Variants in UTRN observed in about 807,000 individuals in gnomAD.
UTRN encodes utrophin.
UTRN carries 283 observed loss-of-function variants against 463.9 expected under a neutral mutation model. That is an observed-to-expected ratio of 0.61 (90% CI 0.55 to 0.67). UTRN has a LOEUF of 0.67. Among genes scored for constraint, UTRN ranks in the 30% least tolerant of loss-of-function variants. The probability of loss-of-function intolerance (pLI) is 0.00; values close to 1 mark genes in which losing one functional copy is unlikely to be tolerated. For missense variants in UTRN, 3,922 were observed against 4,084.3 expected, an observed-to-expected ratio of 0.96 and a Z score of 1.08; for synonymous variants, 1,442 against 1,431.5, an observed-to-expected ratio of 1.01 and a Z score of -0.17.
At chr6:144,834,747 A>G (rs1373244723) in intron 69 of UTRN, among the ~76,000 whole-genome samples, 1 of 152,178 alleles carries the variant, frequency 6.6e-6, no homozygotes, top group Non-Finnish European at 1.5e-5. Context: ...CTGACTCCAG[A>G]GTAACAGAAG....
At chr6:144,405,120 C>A (rs776296108) in intron 3 of UTRN, among the ~76,000 whole-genome samples, 6 of 152,154 alleles carry the variant, frequency 3.9e-5, no homozygotes, top group Non-Finnish European at 7.4e-5. Flanking sequence ...TTTCTAAGCT[C>A]AGCTTCTGTG....
chr6:144,828,862 A>G lies in UTRN; in HGVS notation c.9665+7A>G, dbSNP rs1476556877. On this transcript the variant is annotated splice_region_variant and intron_variant, in intron 69 of 74. Transcript: ENST00000367545. The stretch of plus-strand genomic sequence containing the variant: ...GCTCCACCACAGGAAGTGTGTAAGT[A>G]AATCATGAAATTAGTGCTGCCTGGG... The G allele has an allele frequency of 6.2e-7, 1 of 1,613,168 alleles. No individual in the cohort carries two copies. Among genetic ancestry groups the G allele is most frequent in the Non-Finnish European group, 8.5e-7 (1 of 1,179,426 alleles).
chr6:144,796,292 C>T (rs1586609547), intron 63 of UTRN, among the ~76,000 whole-genome samples: 1 of 152,244 alleles, frequency 6.6e-6, no homozygotes. Flanking sequence ...CAAGAGGGCT[C>T]CACCCTCATG....
At chr6:144,360,660 C>G (rs2114684406) in intron 2 of UTRN, among the ~76,000 whole-genome samples, 1 of 152,284 alleles carries the variant, frequency 6.6e-6, no homozygotes, top group East Asian at 1.9e-4. Context: ...GTGTCAGCGC[C>G]CAGCAACCCA....
rs527286830 is a variant in UTRN at position 144,830,543 on chromosome 6, A to G, written c.9665+1688A>G. ...TAATTCTCAAAACTCATCACACCCT[A>G]ATGATTTTACTTCATTTCACTAATA... is the stretch of plus-strand genomic sequence containing the variant. On this transcript the variant is annotated intron_variant, in intron 69 of 74. Transcript: ENST00000367545. 7.2e-5 allele frequency among the ~76,000 whole-genome samples: 11 copies of G among 152,236 alleles called. No individual in the cohort carries two copies. In the East Asian group the frequency reaches 2.1e-3, roughly 29 times the overall value.
chr6:144,611,255 A>T (rs1462846456), intron 51 of UTRN, among the ~76,000 whole-genome samples: 1 of 152,220 alleles, frequency 6.6e-6, no homozygotes, highest in Admixed American at 6.5e-5. Flanking sequence ...CATTTAGCTA[A>T]CATCATTCCC....
In UTRN at chr6:144,763,772, G is replaced by A. The variant is rs117515948; in HGVS notation, c.8495+5783G>A. On this transcript the variant is annotated intron_variant, in intron 58 of 74. Transcript: ENST00000367545. ...TAACATAAAGCATTTTATCATTAAC[G>A]GTTATAGAAAACTTATCCCAGAACA... 9.6e-3 allele frequency among the ~76,000 whole-genome samples: 1,462 copies of A among 152,254 alleles called. 24 individuals are homozygous for A. Among genetic ancestry groups the A allele is most frequent in the South Asian group, 0.046 (221 of 4,822 alleles).
intron 69 of UTRN, among the ~76,000 whole-genome samples, chr6:144,829,691 G>C (rs1780493416): frequency 6.7e-6 from 1 of 149,760 alleles, no homozygotes; most frequent in African/African-American, 2.4e-5. Context: ...GTCAAACATA[G>C]TAGTTGGGTG....
chr6:144,828,902 T>C, intron 69 of UTRN, 47 bp downstream of exon 69: 1 of 1,593,436 alleles, frequency 6.3e-7, no homozygotes, highest in African/African-American at 1.3e-5. Context: ...CTAGTTCTTG[T>C]ATTATGGCTG....
intron 60 of UTRN, among the ~76,000 whole-genome samples, chr6:144,780,462 T>C (rs1775725939): frequency 6.6e-6 from 1 of 152,154 alleles, no homozygotes; most frequent in East Asian, 1.9e-4. Context: ...AGAAAGAATT[T>C]TATAAAAACT....
intron 60 of UTRN, among the ~76,000 whole-genome samples, chr6:144,775,049 A>G (rs1367141514): frequency 1.3e-5 from 2 of 152,148 alleles, no homozygotes; most frequent in East Asian, 1.9e-4. Flanking sequence ...CTTGTCAGAT[A>G]GTTGATGTGG....
chr6:144,290,031 A>G (rs1426278958), intron 1 of UTRN, among the ~76,000 whole-genome samples: 2 of 152,220 alleles, frequency 1.3e-5, no homozygotes, highest in African/African-American at 2.4e-5. Context: ...ATCTACATAC[A>G]TATATCAACC....
intron 51 of UTRN, chr6:144,660,377 T>G: frequency 2.4e-6 from 1 of 424,556 alleles, no homozygotes; most frequent in South Asian, 1.7e-5. Context: ...CTTTGGTGGT[T>G]TAGTATAATT....
chr6:144,289,122 G>T (rs987516933), intron 1 of UTRN, among the ~76,000 whole-genome samples: 1 of 152,020 alleles, frequency 6.6e-6, no homozygotes, highest in Non-Finnish European at 1.5e-5. Flanking sequence ...TGTCATCTCC[G>T]CTTATATAAC....
intron 53 of UTRN, among the ~76,000 whole-genome samples, chr6:144,723,233 T>C (rs1179011517): frequency 6.6e-6 from 1 of 152,228 alleles, no homozygotes; most frequent in Non-Finnish European, 1.5e-5. Context: ...AGCACAGACT[T>C]AGTTTTACAT....
intron 43 of UTRN, among the ~76,000 whole-genome samples, chr6:144,534,203 A>G (rs1393013224): frequency 6.6e-6 from 1 of 152,238 alleles, no homozygotes; most frequent in African/African-American, 2.4e-5. Flanking sequence ...AATAATAATT[A>G]GTACGTTTTG....
chr6:144,549,202 A>G (rs1193415328), intron 47 of UTRN, among the ~76,000 whole-genome samples: 1 of 152,366 alleles, frequency 6.6e-6, no homozygotes, highest in East Asian at 1.9e-4. Flanking sequence ...TTTGCAACTT[A>G]TATTTCATAA....
At chr6:144,462,609 G>C (rs1789536071) in intron 22 of UTRN, 45 bp from the exon 23 acceptor site, 1 of 1,527,628 alleles carries the variant, frequency 6.5e-7, no homozygotes, top group Admixed American at 2.2e-5. Context: ...TATCTGTGCA[G>C]ACACATTTTT....
chr6:144,436,686 G>C (rs1041170836), intron 10 of UTRN, among the ~76,000 whole-genome samples: 2 of 149,340 alleles, frequency 1.3e-5, no homozygotes, highest in Admixed American at 6.7e-5. Context: ...TGTTGTTTTG[G>C]ATAGAAAATA....
Sources: gnomAD v4.1 joint callset for allele counts (sites outside exome capture counted in the v4.1 genomes callset) on GRCh38, gnomAD v4.1.1 for gene constraint, MANE v1.5 for transcripts, NCBI Gene and HGNC (gene_info 2026-07-23, HGNC 2026-07-21) for gene names.